The following TEX2 variants were observed in gnomAD, a reference collection of about 807,000 sequenced individuals.
TEX2 encodes testis expressed 2, also known as testis-expressed protein 2.
Under a neutral mutation model 106.9 loss-of-function variants are expected in TEX2, and 53 were observed. That is an observed-to-expected ratio of 0.50 (90% confidence interval 0.40 to 0.62). The LOEUF is 0.62. TEX2 is among the 20% of genes least tolerant of loss of function. The probability of loss-of-function intolerance (pLI) is 0.00; values close to 1 mark genes in which losing one functional copy is unlikely to be tolerated. For missense variants in TEX2, 1,207 were observed against 1,379.0 expected, an observed-to-expected ratio of 0.88 and a Z score of 1.98; for synonymous variants, 523 against 534.8, an observed-to-expected ratio of 0.98 and a Z score of 0.30.
At chr17:64,236,339 G>C (rs2033767881) in intron 1 of TEX2, among the ~76,000 whole-genome samples, 1 of 152,144 alleles carries the variant, frequency 6.6e-6, no homozygotes, top group Non-Finnish European at 1.5e-5. Flanking sequence ...AAGGCAGGAG[G>C]ATCGCTTGAG....
intron 8 of TEX2, among the ~76,000 whole-genome samples, chr17:64,156,452 C>G (rs1202665120): frequency 6.6e-6 from 1 of 152,160 alleles, no homozygotes; most frequent in African/African-American, 2.4e-5. Flanking sequence ...GTAACTGAGT[C>G]TTCCTCCTTC....
chr17:64,148,594 C>T lies in TEX2; in HGVS notation c.*375G>A. 1 of 187,912 alleles carries T rather than the reference C, an allele frequency of 5.3e-6. No individual in the cohort carries two copies. Among genetic ancestry groups the T allele is most frequent in the Non-Finnish European group, 1.1e-5 (1 of 91,090 alleles). 11.6% of individuals were successfully genotyped at this position (187,912 alleles called of 1,614,324 possible). A position where few individuals can be genotyped will look rare whatever the true frequency, so the allele number is the denominator to read the frequency against. ...AAAAAGTCCACTGTGCACCGGCTGC[C>T]TGAAGAAAAGCTTTGGAGGAGTAGA... On this transcript the variant is annotated 3_prime_UTR_variant, in exon 12 of 12. Coordinates refer to ENST00000584379, the MANE Select transcript of TEX2 (RefSeq NM_001288732.2).
intron 1 of TEX2, among the ~76,000 whole-genome samples, chr17:64,222,102 G>GTTC (rs1411409975): frequency 6.6e-6 from 1 of 152,188 alleles, no homozygotes; most frequent in Non-Finnish European, 1.5e-5. Flanking sequence ...GTATAACAAT[G>GTTC]TGAATATACT....
chr17:64,214,505 C>T (rs1555632367), intron 1 of TEX2, among the ~76,000 whole-genome samples: 1 of 152,212 alleles, frequency 6.6e-6, no homozygotes, highest in Admixed American at 6.5e-5. Flanking sequence ...CCTGAGTAAT[C>T]ATTTCCTCCC....
intron 8 of TEX2, among the ~76,000 whole-genome samples, chr17:64,159,591 C>T (rs970642858): frequency 2.6e-5 from 4 of 152,176 alleles, no homozygotes; most frequent in Non-Finnish European, 5.9e-5. Flanking sequence ...TGTCCAAGAA[C>T]GTGATGAAAA....
At chr17:64,173,568 C>T (rs757041823) in intron 6 of TEX2, among the ~76,000 whole-genome samples, 4 of 152,072 alleles carry the variant, frequency 2.6e-5, no homozygotes, top group South Asian at 2.1e-4. Flanking sequence ...ATGTCTATGA[C>T]GAACAAAACG....
intron 5 of TEX2, among the ~76,000 whole-genome samples, chr17:64,187,117 A>C (rs2032105615): frequency 6.6e-6 from 1 of 152,202 alleles, no homozygotes; most frequent in Non-Finnish European, 1.5e-5. Flanking sequence ...AGGACTGTTC[A>C]AGAGAGCAGA....
rs782685255 is a variant in TEX2, at chr17:64,205,853, G to C, written c.1644+6721C>G. On this transcript the variant is annotated intron_variant, in intron 2 of 11. Coordinates refer to ENST00000584379, the MANE Select transcript of TEX2 (RefSeq NM_001288732.2). This position sits in a 1 kb window ranked among gnomAD's most constrained non-coding sequence, Gnocchi z 4.0. ...ACTTGCAGGCCATATCTTTAAAAAA[G>C]AGATGGATTATCACTCTGGAAACCA... Among the ~76,000 whole-genome samples the C allele has an allele frequency of 9.2e-5, 14 of 152,210 alleles. No individual in the cohort carries two copies. Among genetic ancestry groups the C allele is most frequent in the Non-Finnish European group, 1.3e-4 (9 of 68,002 alleles).
intron 2 of TEX2, among the ~76,000 whole-genome samples, chr17:64,207,046 A>G (rs1221695241): frequency 6.6e-6 from 1 of 152,208 alleles, no homozygotes; most frequent in African/African-American, 2.4e-5. Flanking sequence ...AGCATCATAT[A>G]TAAATACATA....
At chr17:64,257,701 A>C (rs118089722) in intron 1 of TEX2, among the ~76,000 whole-genome samples, 3,384 of 152,274 alleles carry the variant, frequency 0.022, 57 homozygotes, top group Non-Finnish European at 0.032. Context: ...AGTAACGCTT[A>C]TTTTACTTAA....
At chr17:64,187,966 T>G (rs1385567926) in intron 5 of TEX2, among the ~76,000 whole-genome samples, 1 of 152,242 alleles carries the variant, frequency 6.6e-6, no homozygotes, top group African/African-American at 2.4e-5. Context: ...TGTCTGACTT[T>G]ATTTTCATTC....
rs201071615 is a variant in TEX2 at position 64,214,134 on chromosome 17, G to A, written c.84C>T (p.Ser28=). 3.5e-5 allele frequency: 56 copies of A among 1,614,124 alleles called. No individual in the cohort carries two copies. In the African/African-American group the frequency reaches 5.2e-4, roughly 15 times the overall value. Residue 28 remains serine (S), a synonymous_variant, in exon 2 of 12, where the codon TCC becomes TCT. Coordinates refer to ENST00000584379, the MANE Select transcript of TEX2 (RefSeq NM_001288732.2). ...PSAPKVHVQR[S]VSRDTIAIHF... ...GAATGGCGATGGTATCTCGGGACAC[G>A]GACCTCTGCACGTGCACTTTAGGGG...
chr17:64,233,355 C>T (rs906582257), intron 1 of TEX2, among the ~76,000 whole-genome samples: 1 of 152,104 alleles, frequency 6.6e-6, no homozygotes, highest in Non-Finnish European at 1.5e-5. Context: ...GGGTGGATCA[C>T]GAGGTCAGGA....
At chr17:64,201,538 G>A (rs537632439) in intron 2 of TEX2, among the ~76,000 whole-genome samples, 145 of 152,178 alleles carry the variant, frequency 9.5e-4, no homozygotes, top group Non-Finnish European at 1.2e-3. Context: ...AAAGTGGTGA[G>A]AGAGGGGATG....
In TEX2 at chr17:64,153,298, T is replaced by G. The variant is rs949043540; in HGVS notation, c.2931-144A>C. 3.1e-6 allele frequency: 2 copies of G among 639,476 alleles called. No individual in the cohort carries two copies. Among genetic ancestry groups the G allele is most frequent in the Non-Finnish European group, 5.5e-6 (2 of 363,158 alleles). 39.6% of individuals were successfully genotyped at this position (639,476 alleles called of 1,614,324 possible). On this transcript the variant is annotated intron_variant, in intron 9 of 11. Coordinates refer to ENST00000584379, the MANE Select transcript of TEX2 (RefSeq NM_001288732.2). This position sits in a 1 kb window ranked among gnomAD's most constrained non-coding sequence, Gnocchi z 4.1. ...TTCTGTGTTGGGGCGGGGGGCATCC[T>G]GTGCATTGCAGGGTGTTCAGCAGCA...
intron 7 of TEX2, among the ~76,000 whole-genome samples, chr17:64,166,293 G>A (rs1334881509): frequency 3.3e-5 from 5 of 152,236 alleles, no homozygotes; most frequent in East Asian, 1.9e-4. Flanking sequence ...GAGGCGGGCA[G>A]GACTGCCATC....
intron 2 of TEX2, among the ~76,000 whole-genome samples, chr17:64,203,094 T>C (rs1254879659): frequency 3.9e-5 from 6 of 152,242 alleles, no homozygotes; most frequent in African/African-American, 1.4e-4. Flanking sequence ...GAAGAACTAC[T>C]ACCGTGCTTT....
intron 1 of TEX2, among the ~76,000 whole-genome samples, chr17:64,223,672 G>A (rs1314442444): frequency 6.7e-6 from 1 of 149,804 alleles, no homozygotes; most frequent in Non-Finnish European, 1.5e-5. Context: ...AATGGAACCA[G>A]CCTCCAGGTA....
At chr17:64,166,596 A>T (rs1399056715) in intron 7 of TEX2, among the ~76,000 whole-genome samples, 1 of 152,240 alleles carries the variant, frequency 6.6e-6, no homozygotes, top group East Asian at 1.9e-4. Flanking sequence ...AAGGGTTTTG[A>T]AAAAGAGCTA....
Sources: gnomAD v4.1 joint callset for allele counts (sites outside exome capture counted in the v4.1 genomes callset) on GRCh38, gnomAD v4.1.1 for gene constraint, Gnocchi (gnomAD v3.1) non-coding constraint, MANE v1.5 for transcripts, NCBI Gene and HGNC (gene_info 2026-07-23, HGNC 2026-07-21) for gene names.